Variants in GRSF1 observed in about 807,000 individuals in gnomAD.
GRSF1 encodes the protein G-rich sequence factor 1.
GRSF1 carries 50 observed loss-of-function variants against 51.1 expected under a neutral mutation model. The observed-to-expected ratio is 0.98, with a 90% CI of 0.78 to 1.24. The LOEUF is 1.24. GRSF1 is among the 50% of genes most tolerant of loss of function. The pLI is 0.00. For missense variants in GRSF1, 700 were observed against 639.7 expected (o/e 1.09, Z -1.02); for synonymous variants, 293 against 253.3 (o/e 1.16, Z -1.49).
At chr4:70,821,282 G>A (rs940415279) in intron 9 of GRSF1, among the ~76,000 whole-genome samples, 3 of 152,060 alleles carry the variant, frequency 2.0e-5, no homozygotes, top group African/African-American at 7.2e-5. Flanking sequence ...AAAATTAGCC[G>A]GGTGTGGTGG....
intron 6 of GRSF1, 129 bp from the exon 7 acceptor site, chr4:70,826,374 C>G: frequency 1.4e-6 from 1 of 701,120 alleles, no homozygotes; most frequent in Non-Finnish European, 2.3e-6. Context: ...CCAAAATGAT[C>G]TGAAATTTCT....
intron 9 of GRSF1, among the ~76,000 whole-genome samples, chr4:70,821,114 G>A (rs1373440093): frequency 1.3e-5 from 2 of 152,110 alleles, no homozygotes; most frequent in African/African-American, 2.4e-5. Context: ...AAGAATTGTG[G>A]GACTTCATAT....
intron 1 of GRSF1, chr4:70,838,818 TA>T: frequency 5.0e-6 from 1 of 198,536 alleles, no homozygotes; most frequent in Non-Finnish European, 1.0e-5. Flanking sequence ...CCCCAACAGC[TA>T]AATCTCCAAA....
At chr4:70,838,219 C>CAAAAAAAAAAAAAA (rs35303311) in intron 1 of GRSF1, among the ~76,000 whole-genome samples, 3 of 94,604 alleles carry the variant, frequency 3.2e-5, no homozygotes, top group African/African-American at 4.1e-5. Flanking sequence ...ACTCGGTCTC[C>CAAAAAAAAAAAAAA]AAAAAAAAAA....
At position 70,833,114 on chromosome 4, in the gene GRSF1, A is replaced by G. The variant is rs775413454; in HGVS notation, c.670+4T>C. ...CCAAAAAGCCATAATCTGACTTCAC[A>G]TACCTTCCACATACCGCTGGCCCAT... On this transcript the variant is annotated splice_donor_region_variant and intron_variant, in intron 3 of 9. Transcript: ENST00000254799. The G allele has an allele frequency of 4.3e-6, 7 of 1,612,286 alleles. No individual in the cohort carries two copies. The South Asian group carries it at 7.7e-5, about 18-fold the overall frequency.
intron 1 of GRSF1, 128 bp downstream of exon 1, chr4:70,839,343 T>G (rs1375543750): frequency 1.3e-6 from 2 of 1,502,856 alleles, no homozygotes; most frequent in African/African-American, 2.8e-5. Flanking sequence ...CGGGGGCGGG[T>G]GTGCGGCGAG....
At chr4:70,822,400 T>A (rs991243694) in intron 9 of GRSF1, among the ~76,000 whole-genome samples, 1 of 151,802 alleles carries the variant, frequency 6.6e-6, no homozygotes, top group Non-Finnish European at 1.5e-5. Context: ...CTGGCCAACA[T>A]GGTGAAACCC....
At chr4:70,831,996 A>C (rs1733995104) in intron 4 of GRSF1, among the ~76,000 whole-genome samples, 1 of 152,038 alleles carries the variant, frequency 6.6e-6, no homozygotes, top group South Asian at 2.1e-4. Flanking sequence ...AGGAATTAGA[A>C]AATACTTTTA....
At position 70,839,698 on chromosome 4, in the gene GRSF1, AGACGCCCGACGG is replaced by A. The variant is rs1339961986; in HGVS notation, c.118_129del (p.Pro40_Val43del). The A allele has an allele frequency of 1.4e-6, 2 of 1,458,128 alleles. No homozygotes were observed. The highest frequency in any genetic ancestry group is 2.7e-5 in the South Asian group (2 of 74,986). The allele number at this position is 1,458,128 out of a possible 1,614,324, so 90.3% of individuals were successfully genotyped here. The stretch of plus-strand genomic sequence containing the variant: ...AGCAGCAGCAGGCGGCGGCGGCCCG[AGACGCCCGACGG>A]GATAGAGCCAGCGGCGGAGTAGAAG... On this transcript the variant is annotated inframe_deletion, in exon 1 of 10. Transcript: ENST00000254799.
chr4:70,840,338 G>A (rs938305578), upstream of GRSF1, among the ~76,000 whole-genome samples: 10 of 152,358 alleles, frequency 6.6e-5, no homozygotes, highest in East Asian at 1.9e-3. Flanking sequence ...GGGGCCTGGC[G>A]CAGTGACTCA....
intron 9 of GRSF1, among the ~76,000 whole-genome samples, chr4:70,821,625 A>G (rs527534866): frequency 1.6e-3 from 237 of 149,248 alleles, no homozygotes; most frequent in African/African-American, 5.7e-3. Context: ...AAAAAAAAGC[A>G]ATAGAATAGG....
chr4:70,830,823 C>CAAAAA (rs34777778), intron 5 of GRSF1, among the ~76,000 whole-genome samples: 4 of 119,118 alleles, frequency 3.4e-5, no homozygotes, highest in Non-Finnish European at 7.2e-5. Context: ...ACTCCGTTGC[C>CAAAAA]AAAAAAAAAA....
At position 70,825,307 on chromosome 4, in the gene GRSF1, C is replaced by T. The variant is rs773565301; in HGVS notation, c.1382G>A (p.Arg461Gln). The part of the protein sequence containing the change: ...EDAVAAMLKD[R>Q]SHVHHRYIEL... Reference sequence around the variant, plus strand: ...AAGGCAGGACTTACGAACGTGGGACCGATCCTTGAGCATCGCTGCAACAGC... The same window carrying T: ...AAGGCAGGACTTACGAACGTGGGACTGATCCTTGAGCATCGCTGCAACAGC... Residue 461 changes from arginine to glutamine, a missense_variant, in exon 8 of 10, where the codon CGG becomes CAG. Arg to Gln is a conservative substitution (Grantham distance 43). Transcript: ENST00000254799. 27 of 1,604,400 alleles carry T rather than the reference C, an allele frequency of 1.7e-5. No individual in the cohort carries two copies. Among genetic ancestry groups the T allele is most frequent in the Admixed American group, 3.4e-5 (2 of 59,656 alleles).
At chr4:70,826,514 G>T (rs1298935199) in intron 6 of GRSF1, among the ~76,000 whole-genome samples, 1 of 149,822 alleles carries the variant, frequency 6.7e-6, no homozygotes, top group African/African-American at 2.5e-5. Flanking sequence ...CCCTAAAAGA[G>T]ACTTTCTAGA....
rs1435800193 is a variant in GRSF1, at chr4:70,831,528, G to A, written c.950+11C>T. On this transcript the variant is annotated intron_variant, in intron 5 of 9. Coordinates refer to ENST00000254799, the MANE Select transcript of GRSF1 (RefSeq NM_002092.4). The stretch of plus-strand genomic sequence containing the variant: ...TAACACTTCTGCATCATTAGTATCT[G>A]CTTTACTCACCGATTACCAATTTCT... 1 of 1,611,530 alleles carries A rather than the reference G, an allele frequency of 6.2e-7. No homozygotes were observed. The highest frequency in any genetic ancestry group is 1.3e-5 in the African/African-American group (1 of 74,958).
rs565039175 is a variant in GRSF1 at position 70,820,229 on chromosome 4, C to T, written c.*658G>A. ...TAAGTAGATAGGCACCACCGTTATA[C>T]GCCTTTAGCACAAGGCTTAGAAAGG... is the stretch of plus-strand genomic sequence containing the variant. On this transcript the variant is annotated 3_prime_UTR_variant, in exon 10 of 10. Transcript: ENST00000254799. 100 of 152,516 alleles carry T rather than the reference C, an allele frequency of 6.6e-4. No individual in the cohort carries two copies. The highest frequency in any genetic ancestry group is 1.2e-3 in the Non-Finnish European group (81 of 68,042). The allele number at this position is 152,516 out of a possible 1,614,324, so 9.4% of individuals were successfully genotyped here.
rs1172313024 is a variant in GRSF1 at position 70,839,793 on chromosome 4, A to C, written c.35T>G (p.Leu12Arg). The change falls in exon 1 of 10, where the codon CTC becomes CGC. Residue 12 changes from leucine (L) to arginine (R), a missense_variant. By Grantham distance (102) the Leu-to-Arg change is moderately radical. Transcript: ENST00000254799. ...AGTRWVLGAL[L>R]RGCGCNCSSC... The stretch of plus-strand genomic sequence containing the variant: ...GCTGCAGTTACAGCCGCAGCCCCGG[A>C]GCAGCGCCCCGAGTACCCAGCGCGT... The C allele has an allele frequency of 2.0e-6, 3 of 1,504,680 alleles. No homozygotes were observed. Among genetic ancestry groups the C allele is most frequent in the Non-Finnish European group, 2.6e-6 (3 of 1,133,852 alleles). The allele number at this position is 1,504,680 out of a possible 1,614,324, so 93.2% of individuals were successfully genotyped here. A position where few individuals can be genotyped will look rare whatever the true frequency, so the allele number is the denominator to read the frequency against.
intron 6 of GRSF1, among the ~76,000 whole-genome samples, chr4:70,826,808 A>C (rs1733754848): frequency 6.6e-6 from 1 of 152,312 alleles, no homozygotes; most frequent in South Asian, 2.1e-4. Flanking sequence ...TGATTGTGCC[A>C]CTGCACTCCA....
intron 2 of GRSF1, among the ~76,000 whole-genome samples, chr4:70,834,788 A>AT (rs1185924928): frequency 1.3e-5 from 2 of 151,780 alleles, no homozygotes; most frequent in East Asian, 3.9e-4. Context: ...CGCCCGGCTA[A>AT]TTTTTTTTGT....
Sources: allele counts gnomAD v4.1 joint callset (sites outside exome capture counted in the v4.1 genomes callset), GRCh38; gene constraint gnomAD v4.1.1; transcripts MANE v1.5; gene names NCBI Gene and HGNC (gene_info 2026-07-23, HGNC 2026-07-21).